Variants in KLRD1 observed in about 807,000 individuals in gnomAD.
KLRD1 encodes the protein killer cell lectin like receptor D1, also known as natural killer cells antigen CD94.
KLRD1 carries 21 observed loss-of-function variants against 22.6 expected under a neutral mutation model. The ratio of observed to expected loss-of-function variants is 0.93; its 90% CI spans 0.66 to 1.34. The LOEUF is 1.34. KLRD1 is among the 40% of genes most tolerant of loss of function. KLRD1 has a pLI of 0.00. For synonymous variants in KLRD1, 59 were observed against 71.1 expected (o/e 0.83, Z 0.85); for missense variants, 183 against 208.6 (o/e 0.88, Z 0.76).
At chr12:10,301,986 C>T (rs79540786), upstream of KLRD1, among the ~76,000 whole-genome samples, 2,582 of 152,260 alleles carry the variant, frequency 0.017, 71 homozygotes, top group African/African-American at 0.058. Context: ...GCAGAACACA[C>T]ACGACATTTA....
At chr12:10,262,446 A>T (rs545172438) in intron 1 of KLRD1, among the ~76,000 whole-genome samples, 3 of 152,122 alleles carry the variant, frequency 2.0e-5, no homozygotes, top group Non-Finnish European at 2.9e-5. Context: ...TAACTTCAAG[A>T]GAAGTCCTGA....
At chr12:10,276,315 G>T (rs569845468) in intron 1 of KLRD1, among the ~76,000 whole-genome samples, 31 of 152,102 alleles carry the variant, frequency 2.0e-4, no homozygotes, top group African/African-American at 7.5e-4. Flanking sequence ...TGCTTTGTTT[G>T]TTTGGATATT....
upstream of KLRD1, chr12:10,304,436 T>A (rs935435332): frequency 2.6e-5 from 4 of 152,204 alleles, no homozygotes; most frequent in South Asian, 2.1e-4. Flanking sequence ...GCTTTTTTTT[T>A]ATATAGTGTG....
chr12:10,306,185 A>G (rs1050511061), upstream of KLRD1, among the ~76,000 whole-genome samples: 1 of 151,886 alleles, frequency 6.6e-6, no homozygotes, highest in Middle Eastern at 3.4e-3. Flanking sequence ...AACAAAAACA[A>G]ACAAAAAAAG....
chr12:10,253,131 G>A (rs7135451), intron 1 of KLRD1, among the ~76,000 whole-genome samples: 147,546 of 152,088 alleles, frequency 0.97, 71,701 homozygotes, highest in Non-Finnish European at 1. Flanking sequence ...CTTGGGGTTC[G>A]TGGACTTTCT....
At chr12:10,263,526 G>A (rs868044812) in intron 1 of KLRD1, among the ~76,000 whole-genome samples, 4 of 151,958 alleles carry the variant, frequency 2.6e-5, no homozygotes, top group African/African-American at 7.2e-5. Flanking sequence ...TTAATGGTCC[G>A]TGGTCACGTA....
intron 1 of KLRD1, among the ~76,000 whole-genome samples, chr12:10,257,812 T>C (rs1313530921): frequency 6.6e-6 from 1 of 152,080 alleles, no homozygotes; most frequent in South Asian, 2.1e-4. Context: ...TTTTGAAAAT[T>C]GAGCACTTGA....
upstream of KLRD1, among the ~76,000 whole-genome samples, chr12:10,304,891 T>C (rs1402317148): frequency 3.3e-5 from 5 of 152,156 alleles, no homozygotes; most frequent in East Asian, 9.6e-4. Context: ...ACGTCTTTTG[T>C]TTTTTCTCAG....
chr12:10,326,286 C>G lies in KLRD1; in HGVS notation c.*11493C>G, dbSNP rs765505361. ...ATCCTTTCATTCCATTGGTTATTTC[C>G]TTTGTGAACCCTGAAAATTTGAGAC... On this transcript the variant is annotated 3_prime_UTR_variant, in exon 6 of 6. Coordinates refer to ENST00000336164, the MANE Select transcript of KLRD1 (RefSeq NM_002262.5). 1 of 151,886 alleles carries G rather than the reference C, an allele frequency of 6.6e-6. No individual in the cohort carries two copies. The highest frequency in any genetic ancestry group is 2.4e-5 in the African/African-American group (1 of 41,340). The allele number at this position is 151,886 out of a possible 1,614,324, so 9.4% of individuals were successfully genotyped here.
intron 1 of KLRD1, among the ~76,000 whole-genome samples, chr12:10,273,289 T>C (rs1248689239): frequency 1.3e-5 from 2 of 152,172 alleles, no homozygotes; most frequent in African/African-American, 2.4e-5. Context: ...AAGTATTACA[T>C]AGTATAACTT....
intron 3 of KLRD1, among the ~76,000 whole-genome samples, chr12:10,311,065 C>A (rs1189905840): frequency 6.6e-6 from 1 of 152,066 alleles, no homozygotes; most frequent in African/African-American, 2.4e-5. Context: ...TCCTTTAAAT[C>A]TTTTTCATCT....
chr12:10,316,940 C>G lies in KLRD1; in HGVS notation c.*2147C>G, dbSNP rs1372997073. On this transcript the variant is annotated 3_prime_UTR_variant, in exon 6 of 6. Transcript: ENST00000336164. ...TAATGCTCTTCCTCCCCTTGCCCCC[C>G]ACCCCCCGACAGGCCTTGGTCTGTG... 1 of 151,258 alleles carries G rather than the reference C, an allele frequency of 6.6e-6. No individual in the cohort carries two copies. Among genetic ancestry groups the G allele is most frequent in the African/African-American group, 2.4e-5 (1 of 41,108 alleles). The allele number at this position is 151,258 out of a possible 1,614,324, so 9.4% of individuals were successfully genotyped here. A position where few individuals can be genotyped will look rare whatever the true frequency, so the allele number is the denominator to read the frequency against.
At chr12:10,254,091 G>A (rs926839193) in intron 1 of KLRD1, among the ~76,000 whole-genome samples, 6 of 152,104 alleles carry the variant, frequency 3.9e-5, no homozygotes, top group African/African-American at 1.4e-4. Flanking sequence ...AAATTGACAA[G>A]TGGGATCTAA....
chr12:10,286,661 G>GTT (rs1565459881), intron 1 of KLRD1, among the ~76,000 whole-genome samples: 18 of 49,302 alleles, frequency 3.7e-4, no homozygotes, highest in South Asian at 7.4e-4. Context: ...CGCTTATGGT[G>GTT]CTTTTTTTTT....
chr12:10,288,749 C>T (rs1949736176), intron 1 of KLRD1, among the ~76,000 whole-genome samples: 1 of 152,128 alleles, frequency 6.6e-6, no homozygotes, highest in African/African-American at 2.4e-5. Flanking sequence ...ACATACATCA[C>T]TATGAAAGAA....
intron 5 of KLRD1, among the ~76,000 whole-genome samples, chr12:10,314,362 G>T (rs1237190558): frequency 6.6e-6 from 1 of 151,962 alleles, no homozygotes; most frequent in Non-Finnish European, 1.5e-5. Context: ...TGTTTTCCTA[G>T]ACTAGATCAG....
chr12:10,311,041 C>A (rs1442723483), intron 3 of KLRD1, among the ~76,000 whole-genome samples: 1 of 152,138 alleles, frequency 6.6e-6, no homozygotes, highest in East Asian at 1.9e-4. Context: ...AGAAAGTATG[C>A]TAAAATGTTT....
At chr12:10,284,910 GGCGGAGGTT>G (rs1169806626) in intron 1 of KLRD1, among the ~76,000 whole-genome samples, 1 of 152,114 alleles carries the variant, frequency 6.6e-6, no homozygotes, top group Non-Finnish European at 1.5e-5. Flanking sequence ...GAACCTGGGA[GGCGGAGGTT>G]GCGGTGAGCC....
rs912774948 is a variant in KLRD1 at position 10,324,816 on chromosome 12, GTGTATA to G, written c.*10025_*10030del. 12 of 16,600 alleles carry G rather than the reference GTGTATA, an allele frequency of 7.2e-4. No individual in the cohort carries two copies. Among genetic ancestry groups the G allele is most frequent in the African/African-American group, 1.0e-3 (12 of 11,934 alleles). The allele number at this position is 16,600 out of a possible 1,614,324, so 1.0% of individuals were successfully genotyped here. On this transcript the variant is annotated 3_prime_UTR_variant, in exon 6 of 6. Coordinates refer to ENST00000336164, the MANE Select transcript of KLRD1 (RefSeq NM_002262.5). Reference sequence around the variant, plus strand: ...TAAGTATATATGTATATGTGTGTGTGTGTATATATATATATATATATATATATTCAT... The same window carrying G: ...TAAGTATATATGTATATGTGTGTGTGTATATATATATATATATATATTCAT...
Sources: gnomAD v4.1 joint callset for allele counts (sites outside exome capture counted in the v4.1 genomes callset) on GRCh38, gnomAD v4.1.1 for gene constraint, MANE v1.5 for transcripts, NCBI Gene and HGNC (gene_info 2026-07-23, HGNC 2026-07-21) for gene names.